Variants in ZNF385D observed in about 807,000 individuals in gnomAD.
The protein encoded by ZNF385D is zinc finger protein 659.
Under a neutral mutation model 35.8 loss-of-function variants are expected in ZNF385D, and 15 were observed. That is an observed-to-expected ratio of 0.42 (90% confidence interval 0.28 to 0.64). The LOEUF is 0.64. Among genes scored for constraint, ZNF385D ranks in the 30% least tolerant of loss-of-function variants. ZNF385D has a pLI of 0.23. For synonymous variants in ZNF385D, 212 were observed against 186.8 expected, an observed-to-expected ratio of 1.13 and a Z score of -1.10; for missense variants, 474 against 494.6, an observed-to-expected ratio of 0.96 and a Z score of 0.39.
chr3:21,450,477 T>G (rs998823637), intron 4 of ZNF385D, among the ~76,000 whole-genome samples: 1 of 152,196 alleles, frequency 6.6e-6, no homozygotes, highest in African/African-American at 2.4e-5. Context: ...CAGAGAAGGC[T>G]AATTAAAAAC....
chr3:21,509,592 T>C (rs1372607430), intron 4 of ZNF385D, among the ~76,000 whole-genome samples: 1 of 152,130 alleles, frequency 6.6e-6, no homozygotes, highest in Non-Finnish European at 1.5e-5. Context: ...TCCTCTTTAG[T>C]ATGTGGTGGC....
chr3:21,600,416 A>G (rs2064250167), intron 2 of ZNF385D, among the ~76,000 whole-genome samples: 1 of 152,214 alleles, frequency 6.6e-6, no homozygotes, highest in Non-Finnish European at 1.5e-5. Flanking sequence ...AATTTGTGTT[A>G]TAGCCACCAG....
intron 3 of ZNF385D, among the ~76,000 whole-genome samples, chr3:21,550,946 A>C (rs752954191): frequency 6.6e-6 from 1 of 152,234 alleles, no homozygotes; most frequent in Non-Finnish European, 1.5e-5. Context: ...AATGCTTGAC[A>C]GTCCTGAATC....
intron 3 of ZNF385D, among the ~76,000 whole-genome samples, chr3:21,944,200 A>T (rs1357668455): frequency 6.6e-6 from 1 of 152,192 alleles, no homozygotes; most frequent in Non-Finnish European, 1.5e-5. Flanking sequence ...TCTGCTAATG[A>T]AAAGAGAGCA....
chr3:22,272,049 T>TTTTACA (rs1245294562), intron 2 of ZNF385D, among the ~76,000 whole-genome samples: 1 of 151,978 alleles, frequency 6.6e-6, no homozygotes, highest in African/African-American at 2.4e-5. Context: ...GATAATGTGT[T>TTTTACA]TTGTGTTTTT....
At chr3:21,511,148 C>T in intron 3 of ZNF385D, 125 bp from the exon 4 acceptor site, 1 of 1,190,610 alleles carries the variant, frequency 8.4e-7, no homozygotes, top group Non-Finnish European at 1.2e-6. Context: ...TGGCCGTGGC[C>T]AGACAGTGGG....
At chr3:22,348,994 G>C (rs1695793537) in intron 2 of ZNF385D, among the ~76,000 whole-genome samples, 1 of 152,116 alleles carries the variant, frequency 6.6e-6, no homozygotes, top group Non-Finnish European at 1.5e-5. Flanking sequence ...ACTCCAACCA[G>C]AGCATATGCT....
At chr3:22,005,331 G>A (rs1381795722) in intron 3 of ZNF385D, among the ~76,000 whole-genome samples, 6 of 151,898 alleles carry the variant, frequency 4.0e-5, no homozygotes, top group African/African-American at 1.2e-4. Context: ...CCTATACACT[G>A]TCAGTGGAAA....
chr3:22,212,118 CT>C (rs1294871569), intron 2 of ZNF385D, among the ~76,000 whole-genome samples: 1 of 151,972 alleles, frequency 6.6e-6, no homozygotes, highest in Non-Finnish European at 1.5e-5. Flanking sequence ...CTGTTTTCTC[CT>C]TCAAATGTCA....
At chr3:21,483,486 A>G (rs766386894) in intron 4 of ZNF385D, among the ~76,000 whole-genome samples, 1 of 152,174 alleles carries the variant, frequency 6.6e-6, no homozygotes, top group Non-Finnish European at 1.5e-5. Context: ...TCATATGGCA[A>G]GTATATGTTT....
intron 5 of ZNF385D, 76 bp from the exon 6 acceptor site, chr3:21,425,746 G>GAAAAAAAAAA: frequency 7.2e-7 from 1 of 1,382,176 alleles, no homozygotes; most frequent in Non-Finnish European, 9.7e-7. Context: ...GGGATGGGAG[G>GAAAAAAAAAA]AAAAAAATCT....
At chr3:22,259,506 C>G (rs978366416) in intron 2 of ZNF385D, among the ~76,000 whole-genome samples, 9 of 152,092 alleles carry the variant, frequency 5.9e-5, no homozygotes, top group African/African-American at 2.2e-4. Flanking sequence ...AAGTCAAACA[C>G]TCATACAGCA....
chr3:22,337,858 TAC>T (rs1695243347), intron 2 of ZNF385D, among the ~76,000 whole-genome samples: 1 of 152,242 alleles, frequency 6.6e-6, no homozygotes, highest in African/African-American at 2.4e-5. Context: ...TTGTTTCCCA[TAC>T]AGTTTTCATG....
At position 22,282,835 on chromosome 3, in the gene ZNF385D, C is replaced by G. The variant is rs547133266; in HGVS notation, c.106+89615G>C. Among the ~76,000 whole-genome samples, 556 of 152,070 alleles carry G rather than the reference C, an allele frequency of 3.7e-3. 4 individuals are homozygous for G. Among genetic ancestry groups the G allele is most frequent in the African/African-American group, 0.011 (472 of 41,510 alleles). On this transcript the variant is annotated intron_variant, in intron 2 of 5. Coordinates refer to the ZNF385D transcript ENST00000494108. ...TGATGAATAGAATAGTACCTCATAT[C>G]TCAATACTAATGTGGAATGTAAATG...
intron 1 of ZNF385D, among the ~76,000 whole-genome samples, chr3:21,707,424 G>C (rs1281830940): frequency 6.6e-6 from 1 of 152,096 alleles, no homozygotes; most frequent in Non-Finnish European, 1.5e-5. Context: ...ATTACCAGGA[G>C]GCTTAAAATT....
At chr3:21,940,644 T>C (rs1412386975) in intron 3 of ZNF385D, among the ~76,000 whole-genome samples, 2 of 152,140 alleles carry the variant, frequency 1.3e-5, no homozygotes, top group Non-Finnish European at 2.9e-5. Flanking sequence ...AACAATCAGA[T>C]TATAAATATG....
chr3:21,943,575 G>A (rs1215739032), intron 3 of ZNF385D, among the ~76,000 whole-genome samples: 1 of 151,806 alleles, frequency 6.6e-6, no homozygotes, highest in Non-Finnish European at 1.5e-5. Flanking sequence ...AAGAAAAATA[G>A]CAACATGTAC....
chr3:21,617,383 T>C (rs893812997), intron 2 of ZNF385D, among the ~76,000 whole-genome samples: 7 of 152,308 alleles, frequency 4.6e-5, no homozygotes, highest in Admixed American at 1.3e-4. Context: ...CTATGTGACC[T>C]TGAGGGAATC....
chr3:22,037,354 C>T (rs1226864881), intron 3 of ZNF385D, among the ~76,000 whole-genome samples: 2 of 150,462 alleles, frequency 1.3e-5, no homozygotes, highest in Non-Finnish European at 3.0e-5. Flanking sequence ...CCTATTTCTC[C>T]ACATCCTCTC....
Sources: gnomAD v4.1 joint callset for allele counts (sites outside exome capture counted in the v4.1 genomes callset) on GRCh38, gnomAD v4.1.1 for gene constraint, MANE v1.5 for transcripts, NCBI Gene and HGNC (gene_info 2026-07-23, HGNC 2026-07-21) for gene names.